The following INVS variants were observed in gnomAD, a reference collection of about 807,000 sequenced individuals.
The protein encoded by INVS is inversin.
Under a neutral mutation model 108.8 loss-of-function variants are expected in INVS, and 86 were observed. The ratio of observed to expected loss-of-function variants is 0.79; its 90% CI spans 0.66 to 0.95. INVS has a LOEUF of 0.95. Ranked by LOEUF, INVS falls within the 40% of genes least tolerant of loss-of-function variation. INVS has a pLI of 0.00. For synonymous variants in INVS, 455 were observed against 473.5 expected (o/e 0.96, Z 0.51); for missense variants, 1,169 against 1,297.4 (o/e 0.90, Z 1.52).
chr9:100,278,231 C>CAAA (rs750217205), intron 12 of INVS, among the ~76,000 whole-genome samples: 4,234 of 81,934 alleles, frequency 0.052, 189 homozygotes, highest in African/African-American at 0.059. Flanking sequence ...GACCCTGTCT[C>CAAA]AAAAAAAAAA....
At chr9:100,281,843 C>G (rs1002843631) in intron 12 of INVS, among the ~76,000 whole-genome samples, 1 of 151,956 alleles carries the variant, frequency 6.6e-6, no homozygotes, top group Admixed American at 6.6e-5. Flanking sequence ...CATGTGGCTG[C>G]CTTTGTTGAA....
intron 15 of INVS, 69 bp from the exon 16 acceptor site, chr9:100,297,867 A>C: frequency 6.8e-7 from 1 of 1,478,124 alleles, no homozygotes; most frequent in African/African-American, 1.4e-5. Context: ...CACAATAAGG[A>C]ATTCAGAAGT....
chr9:100,250,853 C>T (rs1188796996), intron 8 of INVS, among the ~76,000 whole-genome samples: 1 of 152,224 alleles, frequency 6.6e-6, no homozygotes, highest in Non-Finnish European at 1.5e-5. Context: ...TGTCTTCCAT[C>T]ACTGACTGAT....
In INVS at chr9:100,298,301, C is replaced by T. The variant is rs528993385; in HGVS notation, c.3091+291C>T. 6.2e-6 allele frequency: 8 copies of T among 1,282,700 alleles called. No individual in the cohort carries two copies. The South Asian group carries it at 1.2e-4, about 20-fold the overall frequency. 79.5% of individuals were successfully genotyped at this position (1,282,700 alleles called of 1,614,324 possible). On this transcript the variant is annotated intron_variant, in intron 16 of 16. Coordinates refer to ENST00000262457, the MANE Select transcript of INVS (RefSeq NM_014425.5). ...CAAAGGAAATAAATGAAAATACTGTCACTCTTCAAAGGAATACCTTGGGAA... is the reference window on the plus strand; with the variant it reads ...CAAAGGAAATAAATGAAAATACTGTTACTCTTCAAAGGAATACCTTGGGAA...
intron 3 of INVS, among the ~76,000 whole-genome samples, chr9:100,184,727 GA>G (rs1830005308): frequency 6.6e-6 from 1 of 151,998 alleles, no homozygotes; most frequent in African/African-American, 2.4e-5. Flanking sequence ...GCATGTGGGG[GA>G]AAGTAAGGGG....
intron 3 of INVS, among the ~76,000 whole-genome samples, chr9:100,197,648 A>T (rs1300157168): frequency 1.3e-5 from 2 of 152,150 alleles, no homozygotes; most frequent in African/African-American, 4.8e-5. Flanking sequence ...AACCATGTAG[A>T]AATGTGATTG....
Position 100,282,245 on chromosome 9 carries a change from C to T in INVS, c.1785-2075C>T, listed in dbSNP as rs78759131. ...CCAGAGAGATCACACTGAAATGGCA[C>T]CTGCTTGCATCCGTATGAATCTCAG... On this transcript the variant is annotated intron_variant, in intron 12 of 16. Transcript: ENST00000262457. Among the ~76,000 whole-genome samples, 518 of 152,262 alleles carry T rather than the reference C, an allele frequency of 3.4e-3. 1 individual carries two copies. The highest frequency in any genetic ancestry group is 0.012 in the African/African-American group (490 of 41,542).
chr9:100,101,682 T>C (rs1826998157), intron 1 of INVS: 1 of 152,210 alleles, frequency 6.6e-6, no homozygotes, highest in African/African-American at 2.4e-5. Context: ...TCATCCGTTA[T>C]AAATTTATCT....
intron 3 of INVS, among the ~76,000 whole-genome samples, chr9:100,154,798 C>T (rs1828921925): frequency 6.6e-6 from 1 of 151,638 alleles, no homozygotes; most frequent in African/African-American, 2.4e-5. Flanking sequence ...AAGACTCTTA[C>T]CTAAAGGGAG....
chr9:100,155,367 C>T (rs1485995660), intron 3 of INVS, among the ~76,000 whole-genome samples: 1 of 152,104 alleles, frequency 6.6e-6, no homozygotes, highest in East Asian at 1.9e-4. Context: ...GATGGAGTCT[C>T]GCTCTTTCAC....
intron 3 of INVS, among the ~76,000 whole-genome samples, chr9:100,161,251 C>T (rs1291069578): frequency 6.7e-6 from 1 of 150,280 alleles, no homozygotes; most frequent in African/African-American, 2.4e-5. Flanking sequence ...TGGTGGGCAC[C>T]TGTAATCCCA....
intron 13 of INVS, among the ~76,000 whole-genome samples, chr9:100,290,219 T>G (rs756802401): frequency 6.6e-6 from 1 of 152,142 alleles, no homozygotes; most frequent in Non-Finnish European, 1.5e-5. Flanking sequence ...ACTATCCAGC[T>G]CCCATTTCTC....
intron 3 of INVS, among the ~76,000 whole-genome samples, chr9:100,206,203 ACTC>A (rs1199092364): frequency 1.3e-5 from 2 of 151,964 alleles, no homozygotes; most frequent in Admixed American, 1.3e-4. Context: ...ATAAGAAACA[ACTC>A]CTTGTAGACA....
chr9:100,119,740 T>C (rs1266952688), intron 2 of INVS, among the ~76,000 whole-genome samples: 1 of 152,166 alleles, frequency 6.6e-6, no homozygotes, highest in African/African-American at 2.4e-5. Context: ...TTGTATTTTT[T>C]AGTAGCGATG....
intron 6 of INVS, among the ~76,000 whole-genome samples, chr9:100,241,008 T>C (rs1831853517): frequency 6.6e-6 from 1 of 152,140 alleles, no homozygotes; most frequent in Non-Finnish European, 1.5e-5. Context: ...AGAGCAAAAA[T>C]GCATCTATTG....
At chr9:100,258,461 G>A (rs1203434954) in intron 10 of INVS, among the ~76,000 whole-genome samples, 1 of 152,212 alleles carries the variant, frequency 6.6e-6, no homozygotes, top group East Asian at 1.9e-4. Context: ...GCGAGGAGCT[G>A]TGTTCCTTTG....
At chr9:100,101,968 C>T (rs1827009025) in intron 1 of INVS, 1 of 152,202 alleles carries the variant, frequency 6.6e-6, no homozygotes, top group South Asian at 2.1e-4. Context: ...ATCACTGATG[C>T]AACTATTCAT....
In INVS at chr9:100,292,489, G is replaced by A. The variant is rs748241492; in HGVS notation, c.2232G>A (p.Gln744=). 2 of 1,614,178 alleles carry A rather than the reference G, an allele frequency of 1.2e-6. No individual in the cohort carries two copies. Among genetic ancestry groups the A allele is most frequent in the Non-Finnish European group, 1.7e-6 (2 of 1,180,030 alleles). Residue 744 remains glutamine, a synonymous_variant, in exon 14 of 17, where the codon CAG becomes CAA. Transcript: ENST00000262457. ...RCAKGKGFVK[Q]PSCIRVAGPD... ...CAAAGGGGAAAGGCTTCGTGAAGCA[G>A]CCCTCCTGTATCAGGGTGGCTGGGC...
chr9:100,220,731 T>C (rs1053095743), intron 3 of INVS, among the ~76,000 whole-genome samples: 2 of 152,186 alleles, frequency 1.3e-5, no homozygotes, highest in African/African-American at 4.8e-5. Context: ...GCACAGTGGC[T>C]CACGCCTGTA....
Sources: allele counts gnomAD v4.1 joint callset (sites outside exome capture counted in the v4.1 genomes callset), GRCh38; gene constraint gnomAD v4.1.1; transcripts MANE v1.5; gene names NCBI Gene and HGNC (gene_info 2026-07-23, HGNC 2026-07-21).